The following PTK2B variants were observed in gnomAD, a reference collection of about 807,000 sequenced individuals.
PTK2B encodes protein-tyrosine kinase 2-beta.
In PTK2B, 71 loss-of-function variants were observed where a neutral mutation model predicts 142.9. That is an observed-to-expected ratio of 0.50 (90% CI 0.41 to 0.61). The LOEUF (loss-of-function observed/expected upper bound fraction) is 0.61, where lower values mean the gene tolerates loss of function less well. Among genes scored for constraint, PTK2B ranks in the 20% least tolerant of loss-of-function variants. The probability of loss-of-function intolerance (pLI) is 0.00; values close to 1 mark genes in which losing one functional copy is unlikely to be tolerated. For synonymous variants in PTK2B, 519 were observed against 503.4 expected (o/e 1.03, Z -0.42); for missense variants, 1,105 against 1,320.4 (o/e 0.84, Z 2.53).
At chr8:27,378,338 G>T (rs1175322142) in intron 1 of PTK2B, among the ~76,000 whole-genome samples, 1 of 152,188 alleles carries the variant, frequency 6.6e-6, no homozygotes, top group Non-Finnish European at 1.5e-5. Context: ...GGGGGGTTCT[G>T]CAAATATGGA....
At chr8:27,410,185 G>C (rs1808972724) in intron 2 of PTK2B, among the ~76,000 whole-genome samples, 1 of 152,246 alleles carries the variant, frequency 6.6e-6, no homozygotes, top group Non-Finnish European at 1.5e-5. Flanking sequence ...GTCCCAGGTG[G>C]GGTTCCTGGG....
chr8:27,335,660 C>T lies in PTK2B; in HGVS notation c.-38+9979C>T, dbSNP rs142979100. ...TGCACCCAACACTGAAGACTCAGCC[C>T]CAGCCTGTGTTCATGCCCTGGGGGT... On this transcript the variant is annotated intron_variant, in intron 1 of 30. Transcript: ENST00000346049. Among the ~76,000 whole-genome samples, 137 of 152,068 alleles carry T rather than the reference C, an allele frequency of 9.0e-4. 1 individual carries two copies. Among genetic ancestry groups the T allele is most frequent in the African/African-American group, 3.1e-3 (128 of 41,490 alleles).
Position 27,459,012 on chromosome 8 carries a change from TGAAATTTA to T in PTK2B, c.*504_*511del. On this transcript the variant is annotated 3_prime_UTR_variant, in exon 31 of 31. Coordinates refer to ENST00000346049, the MANE Select transcript of PTK2B (RefSeq NM_173176.3). ...CCTGGCATTCTTGTACAGTGTATAT[TGAAATTTA>T]TTTAATGTGAGTTTGGTCTGGACTG... The T allele has an allele frequency of 3.7e-6, 1 of 268,330 alleles. No homozygotes were observed. Among genetic ancestry groups the T allele is most frequent in the Non-Finnish European group, 7.3e-6 (1 of 137,916 alleles). 16.6% of individuals were successfully genotyped at this position (268,330 alleles called of 1,614,324 possible). A position where few individuals can be genotyped will look rare whatever the true frequency, so the allele number is the denominator to read the frequency against.
chr8:27,325,158 C>T (rs1803335929), upstream of PTK2B, among the ~76,000 whole-genome samples: 1 of 152,200 alleles, frequency 6.6e-6, no homozygotes, highest in African/African-American at 2.4e-5. Context: ...TAACATCTCC[C>T]ACTGCGGGGG....
chr8:27,355,502 A>G (rs1486513668), intron 1 of PTK2B, among the ~76,000 whole-genome samples: 1 of 152,218 alleles, frequency 6.6e-6, no homozygotes, highest in Non-Finnish European at 1.5e-5. Context: ...CCTTGGTTTT[A>G]GGACTTCTGA....
intron 1 of PTK2B, among the ~76,000 whole-genome samples, chr8:27,370,454 G>T (rs1361832812): frequency 6.6e-6 from 1 of 152,200 alleles, no homozygotes; most frequent in Non-Finnish European, 1.5e-5. Context: ...TGAAGGCCCA[G>T]GCATATCACT....
At chr8:27,454,024 T>C in intron 28 of PTK2B, 130 bp from the exon 29 acceptor site, 1 of 1,316,620 alleles carries the variant, frequency 7.6e-7, no homozygotes, top group African/African-American at 1.5e-5. Flanking sequence ...CAGGGCACAA[T>C]TATTCTAAAG....
At chr8:27,323,970 G>T (rs1041452687), upstream of PTK2B, among the ~76,000 whole-genome samples, 1 of 152,124 alleles carries the variant, frequency 6.6e-6, no homozygotes, top group Admixed American at 6.5e-5. Context: ...GATTGTCTTT[G>T]CTTTTAGTTC....
chr8:27,453,167 G>A lies in PTK2B; in HGVS notation c.2595+7G>A. 1.2e-6 allele frequency: 2 copies of A among 1,614,154 alleles called. No homozygotes were observed. The highest frequency in any genetic ancestry group is 1.7e-6 in the Non-Finnish European group (2 of 1,180,000). ...CCCGAGGCTGGGCGCACAGGTATGT[G>A]TTGGCTCTGCTGAAACTGATAAATG... On this transcript the variant is annotated splice_region_variant and intron_variant, in intron 28 of 30. Coordinates refer to ENST00000346049, the MANE Select transcript of PTK2B (RefSeq NM_173176.3).
chr8:27,399,296 G>T (rs1030894835), intron 2 of PTK2B, among the ~76,000 whole-genome samples: 1 of 152,234 alleles, frequency 6.6e-6, no homozygotes, highest in Admixed American at 6.5e-5. Context: ...AAAGAGGTAG[G>T]ATTTAAAGCA....
chr8:27,333,602 T>C (rs1272617926), intron 1 of PTK2B, among the ~76,000 whole-genome samples: 1 of 152,158 alleles, frequency 6.6e-6, no homozygotes, highest in South Asian at 2.1e-4. Flanking sequence ...TTGAGAGATA[T>C]ATAACTTATG....
chr8:27,383,852 A>ATTTTTTTTTTTTCTTT, intron 1 of PTK2B, among the ~76,000 whole-genome samples: 1 of 116,606 alleles, frequency 8.6e-6, no homozygotes, highest in Non-Finnish European at 1.8e-5. Context: ...CACCTGGCTA[A>ATTTTTTTTTTTTCTTT]TTTTTTTTTT....
In PTK2B at chr8:27,432,334, T is replaced by G; in HGVS notation, c.960T>G (p.Leu320=). Residue 320 remains leucine, a synonymous_variant, in exon 10 of 31, where the codon CTT becomes CTG. Transcript: ENST00000346049. Reference sequence around the variant, plus strand: ...CGCTGGAGGAGGGCCAGGCAGTACTTCAGCTGGGCATTGAAGGTGCCCCCC... The same window carrying G: ...CGCTGGAGGAGGGCCAGGCAGTACTGCAGCTGGGCATTGAAGGTGCCCCCC... ...CLPLEEGQAV[L]QLGIEGAPQA... The G allele has an allele frequency of 6.2e-7, 1 of 1,613,844 alleles. No homozygotes were observed. The highest frequency in any genetic ancestry group is 2.2e-5 in the East Asian group (1 of 44,890).
Position 27,458,586 on chromosome 8 carries a change from T to TG in PTK2B, c.*80dup. On this transcript the variant is annotated 3_prime_UTR_variant, in exon 31 of 31. Transcript: ENST00000346049. ...CTCCCCTGCCTTGCTGTTGGTCATG[T>TG]GGGTCTTCCAGGGGGAAGGCCAAGG... is the stretch of plus-strand genomic sequence containing the variant. The TG allele has an allele frequency of 6.8e-7, 1 of 1,469,330 alleles. No homozygotes were observed. The highest frequency in any genetic ancestry group is 1.4e-5 in the African/African-American group (1 of 71,562). 91.0% of individuals were successfully genotyped at this position (1,469,330 alleles called of 1,614,324 possible). A position where few individuals can be genotyped will look rare whatever the true frequency, so the allele number is the denominator to read the frequency against.
At chr8:27,433,080 G>C (rs1452537512) in intron 10 of PTK2B, among the ~76,000 whole-genome samples, 1 of 152,176 alleles carries the variant, frequency 6.6e-6, no homozygotes, top group Non-Finnish European at 1.5e-5. Flanking sequence ...GCCTGCCTCG[G>C]CCTCCTAAAG....
At chr8:27,447,329 A>T (rs889728503) in intron 24 of PTK2B, among the ~76,000 whole-genome samples, 3 of 152,278 alleles carry the variant, frequency 2.0e-5, no homozygotes, top group African/African-American at 7.2e-5. Flanking sequence ...TTTATGACAC[A>T]GATCAGAAAC....
At chr8:27,357,975 A>G (rs1264292833) in intron 1 of PTK2B, among the ~76,000 whole-genome samples, 1 of 152,082 alleles carries the variant, frequency 6.6e-6, no homozygotes, top group Non-Finnish European at 1.5e-5. Flanking sequence ...CTCGGTTTCT[A>G]CTCTGTAAAT....
At chr8:27,422,409 G>A (rs374408905) in intron 5 of PTK2B, 26 bp downstream of exon 5, 3 of 1,588,114 alleles carry the variant, frequency 1.9e-6, no homozygotes, top group African/African-American at 2.7e-5. Context: ...GCCTCTGCTG[G>A]GAGGGCGCTG....
chr8:27,437,865 T>A lies in PTK2B; in HGVS notation c.1628T>A (p.Ile543Asn), dbSNP rs1230889149. 6.2e-7 allele frequency: 1 copy of A among 1,611,790 alleles called. No homozygotes were observed. The highest frequency in any genetic ancestry group is 8.5e-7 in the Non-Finnish European group (1 of 1,179,198). The change falls in exon 18 of 31, where the codon ATC (isoleucine) becomes AAC (asparagine). Residue 543 changes from isoleucine (I) to asparagine (N), a missense_variant. Transcript: ENST00000346049. ...AAAGCCATGGCCTACCTGGAGAGCATCAACTGCGTGCACAGGTAGGGGTGG... is the reference window on the plus strand; with the variant it reads ...AAAGCCATGGCCTACCTGGAGAGCAACAACTGCGTGCACAGGTAGGGGTGG... ...ICKAMAYLES[I>N]NCVHRDIAVR... is the part of the protein sequence containing the mutation.
Sources: gnomAD v4.1 joint callset for allele counts (sites outside exome capture counted in the v4.1 genomes callset) on GRCh38, gnomAD v4.1.1 for gene constraint, MANE v1.5 for transcripts, NCBI Gene and HGNC (gene_info 2026-07-23, HGNC 2026-07-21) for gene names.